The following COL28A1 variants were observed in gnomAD, a reference collection of about 807,000 sequenced individuals.
COL28A1 encodes collagen type XXVIII alpha 1 chain, also known as collagen alpha-1(XXVIII) chain.
Under a neutral mutation model 150.2 loss-of-function variants are expected in COL28A1, and 161 were observed. That is an observed-to-expected ratio of 1.07 (90% CI 0.94 to 1.22). The LOEUF is 1.22. Among genes scored for constraint, COL28A1 ranks in the 50% most tolerant of loss-of-function variants. The probability of loss-of-function intolerance (pLI) is 0.00; values close to 1 mark genes in which losing one functional copy is unlikely to be tolerated. For synonymous variants in COL28A1, 552 were observed against 469.7 expected (o/e 1.18, Z -2.26); for missense variants, 1,617 against 1,388.3 (o/e 1.16, Z -2.62).
chr7:7,382,463 G>C (rs536606077), intron 27 of COL28A1, among the ~76,000 whole-genome samples: 51 of 152,192 alleles, frequency 3.4e-4, no homozygotes, highest in Non-Finnish European at 5.7e-4. Flanking sequence ...TTCAGGACTT[G>C]TTTCCAGATT....
At chr7:7,356,165 TA>T (rs1346928979), downstream of COL28A1, 2 of 121,296 alleles carry the variant, frequency 1.6e-5, no homozygotes, top group Non-Finnish European at 3.6e-5. Flanking sequence ...TGAAAATAGT[TA>T]GTTGCAGAAG....
downstream of COL28A1, chr7:7,356,109 G>A (rs1780347029): frequency 6.6e-6 from 1 of 152,060 alleles, no homozygotes; most frequent in Non-Finnish European, 1.5e-5. Context: ...ATTATCTAGA[G>A]TACATTTATA....
chr7:7,453,403 T>C (rs762014314), intron 17 of COL28A1, 37 bp downstream of exon 17: 15 of 898,942 alleles, frequency 1.7e-5, no homozygotes, highest in South Asian at 7.8e-5. Flanking sequence ...AATTATACTA[T>C]AGATATATTA....
intron 11 of COL28A1, among the ~76,000 whole-genome samples, chr7:7,505,190 A>G (rs937179565): frequency 2.0e-5 from 3 of 152,220 alleles, no homozygotes; most frequent in African/African-American, 7.2e-5. Flanking sequence ...CAAGTAGCCC[A>G]ACTGCTCCCT....
intron 27 of COL28A1, among the ~76,000 whole-genome samples, chr7:7,387,328 T>C (rs373017630): frequency 9.2e-5 from 14 of 152,060 alleles, no homozygotes; most frequent in African/African-American, 3.1e-4. Context: ...AAAGAGTAAA[T>C]TTTACTGCAT....
downstream of COL28A1, among the ~76,000 whole-genome samples, chr7:7,355,515 T>A (rs1019609616): frequency 1.3e-5 from 2 of 151,912 alleles, no homozygotes; most frequent in Non-Finnish European, 2.9e-5. Context: ...GAGGCTGAGG[T>A]GAGAGGATCA....
intron 27 of COL28A1, among the ~76,000 whole-genome samples, chr7:7,388,474 G>C (rs1310761446): frequency 6.6e-6 from 1 of 151,934 alleles, no homozygotes; most frequent in Non-Finnish European, 1.5e-5. Context: ...TAAACATGTG[G>C]GTGCATGTGT....
At chr7:7,507,951 G>A (rs1023812893) in intron 9 of COL28A1, among the ~76,000 whole-genome samples, 2 of 152,038 alleles carry the variant, frequency 1.3e-5, no homozygotes, top group Non-Finnish European at 2.9e-5. Context: ...ATATTTTTCC[G>A]GCCAGGCGTG....
the COL28A1 span, among the ~76,000 whole-genome samples, chr7:7,344,726 A>G: frequency 1.3e-5 from 2 of 152,128 alleles, no homozygotes; most frequent in Non-Finnish European, 2.9e-5. Flanking sequence ...TAAACATCCT[A>G]TAATACACAA....
intron 15 of COL28A1, among the ~76,000 whole-genome samples, chr7:7,464,552 C>A (rs1787909715): frequency 6.6e-6 from 1 of 152,178 alleles, no homozygotes; most frequent in South Asian, 2.1e-4. Context: ...ATAACCTGCT[C>A]CTGAAAGATC....
chr7:7,382,283 C>T (rs1202642160), intron 27 of COL28A1, among the ~76,000 whole-genome samples: 1 of 151,578 alleles, frequency 6.6e-6, no homozygotes, highest in Non-Finnish European at 1.5e-5. Context: ...GCACTCCAGC[C>T]TGGGCAACAA....
chr7:7,355,550 C>G (rs1466781629), downstream of COL28A1, among the ~76,000 whole-genome samples: 4 of 152,090 alleles, frequency 2.6e-5, no homozygotes, highest in African/African-American at 9.7e-5. Flanking sequence ...GTGGAGGTTG[C>G]AGTGAGCTGA....
At chr7:7,521,448 C>G (rs1328546562) in intron 5 of COL28A1, among the ~76,000 whole-genome samples, 2 of 152,226 alleles carry the variant, frequency 1.3e-5, no homozygotes, top group African/African-American at 4.8e-5. Flanking sequence ...GCATCGTGAC[C>G]AGCTTCCTGT....
the COL28A1 span, among the ~76,000 whole-genome samples, chr7:7,338,289 T>C: frequency 6.6e-6 from 1 of 152,126 alleles, no homozygotes; most frequent in Non-Finnish European, 1.5e-5. Flanking sequence ...CTGGGCAGTA[T>C]GGTCGTTTTA....
chr7:7,376,133 G>A (rs1781528085), intron 30 of COL28A1, among the ~76,000 whole-genome samples: 1 of 152,082 alleles, frequency 6.6e-6, no homozygotes, highest in Admixed American at 6.5e-5. Context: ...CTGGGTACTA[G>A]AAATAAAGCT....
At chr7:7,369,766 A>G (rs573659624) in intron 33 of COL28A1, among the ~76,000 whole-genome samples, 15 of 152,178 alleles carry the variant, frequency 9.9e-5, no homozygotes, top group Non-Finnish European at 1.6e-4. Context: ...TTAGGGCCTT[A>G]GTCTAAGTAG....
At chr7:7,354,214 A>G (rs751963780), downstream of COL28A1, among the ~76,000 whole-genome samples, 4 of 151,962 alleles carry the variant, frequency 2.6e-5, no homozygotes, top group Non-Finnish European at 5.9e-5. Context: ...GGCTGGTCTG[A>G]AACTTCTGGG....
At chr7:7,381,478 CAAAGTT>C (rs1781867130) in intron 28 of COL28A1, 60 bp downstream of exon 28, 2 of 1,177,334 alleles carry the variant, frequency 1.7e-6, no homozygotes, top group Admixed American at 3.7e-5. Context: ...AGAGTTCTTC[CAAAGTT>C]AAAGTTAAGC....
intron 13 of COL28A1, among the ~76,000 whole-genome samples, chr7:7,483,288 A>G (rs1043974147): frequency 2.6e-5 from 4 of 152,218 alleles, no homozygotes; most frequent in Admixed American, 1.3e-4. Context: ...TTCAACTTAC[A>G]GTATTTTTTA....
Sources: gnomAD v4.1 joint callset for allele counts (sites outside exome capture counted in the v4.1 genomes callset) on GRCh38, gnomAD v4.1.1 for gene constraint, MANE v1.5 for transcripts, NCBI Gene and HGNC (gene_info 2026-07-23, HGNC 2026-07-21) for gene names.